SYNJ1: variants seen among roughly 807,000 people sequenced by gnomAD.
The protein encoded by SYNJ1 is synaptojanin 1, also known as polyphosphatidylinositol phosphatase SYNJ1.
SYNJ1 carries 78 observed loss-of-function variants against 168.2 expected under a neutral mutation model. The observed-to-expected ratio is 0.46, with a 90% CI of 0.39 to 0.56. The LOEUF is 0.56. Among genes scored for constraint, SYNJ1 ranks in the 20% least tolerant of loss-of-function variants. The pLI is 0.00. For missense variants in SYNJ1, 1,303 were observed against 1,597.6 expected (o/e 0.82, Z 3.14); for synonymous variants, 539 against 548.6 (o/e 0.98, Z 0.24).
intron 15 of SYNJ1, 62 bp from the exon 16 acceptor site, chr21:32,666,635 A>G: frequency 6.6e-7 from 1 of 1,518,912 alleles, no homozygotes; most frequent in Non-Finnish European, 8.9e-7. Flanking sequence ...CTATTTTATG[A>G]CAATTGTCAA....
chr21:32,673,073 ATTCCTAT>A (rs2041266836), intron 14 of SYNJ1, among the ~76,000 whole-genome samples: 1 of 152,208 alleles, frequency 6.6e-6, no homozygotes, highest in African/African-American at 2.4e-5. Context: ...CTATGTGTGA[ATTCCTAT>A]TTCCTGAGAA....
At position 32,639,740 on chromosome 21, in the gene SYNJ1, T is replaced by C; in HGVS notation, c.3628A>G (p.Ser1210Gly). ...PRAGVISAPQ[S>G]HARASAGRLT... ...CTTCCAGCAGATGCCCGCGCGTGGC[T>C]CTGTGGGGCACTGATAACTCCAGCA... Residue 1210 changes from serine (S) to glycine (G), a missense_variant, in exon 30 of 33, where the codon AGC becomes GGC. Around this residue, in one of 2 missense-constraint regions of SYNJ1, gnomAD observed 383 missense variants for 388.8 expected, o/e 0.99. Transcript: ENST00000674351. 1 of 1,614,176 alleles carries C rather than the reference T, an allele frequency of 6.2e-7. No individual in the cohort carries two copies. The highest frequency in any genetic ancestry group is 8.5e-7 in the Non-Finnish European group (1 of 1,180,028).
intron 2 of SYNJ1, among the ~76,000 whole-genome samples, chr21:32,707,283 C>CTTT (rs367843525): frequency 6.4e-4 from 84 of 130,576 alleles, no homozygotes; most frequent in African/African-American, 1.7e-3. Flanking sequence ...TTTCTTTTTC[C>CTTT]TTTTTTTTTT....
intron 23 of SYNJ1, among the ~76,000 whole-genome samples, chr21:32,649,006 C>A (rs1379167463): frequency 6.6e-6 from 1 of 152,202 alleles, no homozygotes; most frequent in Non-Finnish European, 1.5e-5. Context: ...AGCATTAATT[C>A]CATTCTCCCT....
intron 13 of SYNJ1, among the ~76,000 whole-genome samples, chr21:32,676,078 A>G (rs1386809109): frequency 1.3e-5 from 2 of 152,230 alleles, no homozygotes; most frequent in Non-Finnish European, 2.9e-5. Context: ...TAGCTGAATT[A>G]TCTTTAACTG....
chr21:32,672,127 A>G (rs958398319), intron 14 of SYNJ1, among the ~76,000 whole-genome samples: 1 of 151,064 alleles, frequency 6.6e-6, no homozygotes, highest in Non-Finnish European at 1.5e-5. Flanking sequence ...GTATTTTAAT[A>G]AAAAGTTTGG....
chr21:32,674,608 T>A (rs2833944), intron 13 of SYNJ1, among the ~76,000 whole-genome samples: 34,860 of 128,998 alleles, frequency 0.27, 4,191 homozygotes, highest in East Asian at 0.38. Flanking sequence ...ACATTTTGAA[T>A]CCTCAATCTC....
In SYNJ1 at chr21:32,634,885, C is replaced by A; in HGVS notation, c.3916-1G>T. On this transcript the variant is annotated splice_acceptor_variant, in intron 31 of 32. Coordinates refer to ENST00000674351, the MANE Select transcript of SYNJ1 (RefSeq NM_203446.3). LOFTEE classifies it high-confidence loss of function. ...CCTGTTACCCTGATGGTTGCTCCTG[C>A]TTTGAGAAAGGAAACAGACATCAAA... 1 of 1,613,724 alleles carries A rather than the reference C, an allele frequency of 6.2e-7. No individual in the cohort carries two copies. Among genetic ancestry groups the A allele is most frequent in the Non-Finnish European group, 8.5e-7 (1 of 1,179,890 alleles).
chr21:32,727,788 C>CA lies in SYNJ1; in HGVS notation c.-23+157dup, dbSNP rs35924673. ...CCCCGCACAACCAGTGGTCTGCTCA[C>CA]AACCCCGCCCGTCCTCCCGCACCCC... On this transcript the variant is annotated intron_variant, in intron 1 of 32. Transcript: ENST00000674351. The CA allele has an allele frequency of 0.22, 314,238 of 1,428,182 alleles. 35,355 individuals carry two copies. Among genetic ancestry groups the CA allele is most frequent in the East Asian group, 0.36 (13,394 of 37,564 alleles). 88.5% of individuals were successfully genotyped at this position (1,428,182 alleles called of 1,614,324 possible). A position where few individuals can be genotyped will look rare whatever the true frequency, so the allele number is the denominator to read the frequency against.
intron 4 of SYNJ1, 87 bp downstream of exon 4, chr21:32,699,751 G>C: frequency 6.8e-7 from 1 of 1,480,332 alleles, no homozygotes. Flanking sequence ...CTCCTTTCTT[G>C]CTGTCACGGT....
intron 15 of SYNJ1, among the ~76,000 whole-genome samples, chr21:32,668,308 T>C (rs1374278709): frequency 6.6e-6 from 1 of 152,120 alleles, no homozygotes; most frequent in African/African-American, 2.4e-5. Flanking sequence ...CCTCAAGTGA[T>C]CCACCTGCCT....
intron 21 of SYNJ1, among the ~76,000 whole-genome samples, chr21:32,655,784 A>C (rs1182029206): frequency 6.6e-6 from 1 of 152,208 alleles, no homozygotes; most frequent in African/African-American, 2.4e-5. Context: ...GCACACATGC[A>C]CATCATTCAG....
intron 29 of SYNJ1, 117 bp downstream of exon 29, chr21:32,641,779 A>C (rs2039847393): frequency 1.6e-6 from 1 of 639,618 alleles, no homozygotes; most frequent in African/African-American, 1.8e-5. Context: ...CTCATTTTAG[A>C]GATGAGGAAA....
chr21:32,645,801 A>T lies in SYNJ1; in HGVS notation c.3248-12T>A. The T allele has an allele frequency of 6.7e-7, 1 of 1,492,586 alleles. No individual in the cohort carries two copies. Among genetic ancestry groups the T allele is most frequent in the East Asian group, 2.5e-5 (1 of 40,334 alleles). 92.5% of individuals were successfully genotyped at this position (1,492,586 alleles called of 1,614,324 possible). ...GTCAATAGGAGAACCTAAAAAGCGC[A>T]CAGGAGGTAAGAAGATCAGCTTCTA... On this transcript the variant is annotated splice_polypyrimidine_tract_variant and intron_variant, in intron 24 of 32. Coordinates refer to ENST00000674351, the MANE Select transcript of SYNJ1 (RefSeq NM_203446.3).
intron 30 of SYNJ1, 79 bp from the exon 31 acceptor site, chr21:32,639,204 A>T: frequency 7.7e-7 from 1 of 1,303,616 alleles, no homozygotes. Context: ...AAATGTTAGG[A>T]GAACATTCTA....
At chr21:32,643,826 C>T (rs1390734574) in intron 26 of SYNJ1, among the ~76,000 whole-genome samples, 5 of 152,132 alleles carry the variant, frequency 3.3e-5, no homozygotes, top group Non-Finnish European at 7.4e-5. Flanking sequence ...GGAAAGAAAT[C>T]ATAAATTTCT....
chr21:32,678,704 G>C lies in SYNJ1; in HGVS notation c.1451C>G (p.Thr484Ser), dbSNP rs773810747. ...EAIDVLLLGN[T>S]LNSDLADKAR... ...TTTGTCAGCTAAATCACTATTCAGA[G>C]TATTTCCCAGTAGCAAAACATCAAT... Residue 484 changes from threonine (T) to serine (S), a missense_variant, in exon 12 of 33, where the codon ACT becomes AGT. Coordinates refer to ENST00000674351, the MANE Select transcript of SYNJ1 (RefSeq NM_203446.3). The C allele has an allele frequency of 3.1e-6, 5 of 1,613,424 alleles. No individual in the cohort carries two copies. The South Asian group carries it at 5.5e-5, about 18-fold the overall frequency.
Position 32,638,806 on chromosome 21 carries a change from TTTA to T in SYNJ1, c.3915+99_3915+101del, listed in dbSNP as rs937066361. 31 of 1,146,450 alleles carry T rather than the reference TTTA, an allele frequency of 2.7e-5. No homozygotes were observed. The African/African-American group carries it at 4.2e-4, about 15-fold the overall frequency. The allele number at this position is 1,146,450 out of a possible 1,614,324, so 71.0% of individuals were successfully genotyped here. On this transcript the variant is annotated intron_variant, in intron 31 of 32. Coordinates refer to ENST00000674351, the MANE Select transcript of SYNJ1 (RefSeq NM_203446.3). ...TATAAAAAGAAAATTAAAACTCGTATTTATTTTTACTTCTTATAACAGGCAATA... is the reference window on the plus strand; with the variant it reads ...TATAAAAAGAAAATTAAAACTCGTATTTTTTACTTCTTATAACAGGCAATA...
chr21:32,645,560 A>G, intron 25 of SYNJ1, 86 bp downstream of exon 25: 1 of 1,411,898 alleles, frequency 7.1e-7, no homozygotes, highest in Non-Finnish European at 9.2e-7. Context: ...AAAATCCAGA[A>G]GCTAGAGATT....
Sources: gnomAD v4.1 joint callset for allele counts (sites outside exome capture counted in the v4.1 genomes callset) on GRCh38, gnomAD v4.1.1 for gene constraint, gnomAD v4.1.1 regional missense constraint, MANE v1.5 for transcripts, NCBI Gene and HGNC (gene_info 2026-07-23, HGNC 2026-07-21) for gene names.